Variants in CNRIP1 observed in about 807,000 individuals in gnomAD.
CNRIP1 encodes the protein CB1 cannabinoid receptor-interacting protein 1.
In CNRIP1, 10 loss-of-function variants were observed where a neutral mutation model predicts 15.2. The observed-to-expected ratio is 0.66, with a 90% CI of 0.41 to 1.12. The LOEUF (loss-of-function observed/expected upper bound fraction) is 1.12, where lower values mean the gene tolerates loss of function less well. Ranked by LOEUF, CNRIP1 falls within the 50% of genes most tolerant of loss-of-function variation. CNRIP1 has a pLI of 0.00. For synonymous variants in CNRIP1, 91 were observed against 83.2 expected (o/e 1.09, Z -0.51); for missense variants, 211 against 214.7 (o/e 0.98, Z 0.11).
chr2:68,317,887 T>A (rs1672332282), intron 1 of CNRIP1, among the ~76,000 whole-genome samples: 1 of 152,116 alleles, frequency 6.6e-6, no homozygotes, highest in Non-Finnish European at 1.5e-5. Context: ...TGATATATAC[T>A]CAGGTTTGAG....
At position 68,293,594 on chromosome 2, in the gene CNRIP1, T is replaced by C. The variant is rs1671238577; in HGVS notation, c.*268A>G. 9.0e-7 allele frequency: 1 copy of C among 1,110,934 alleles called. No individual in the cohort carries two copies. The highest frequency in any genetic ancestry group is 1.1e-6 in the Non-Finnish European group (1 of 905,940). The allele number at this position is 1,110,934 out of a possible 1,614,324, so 68.8% of individuals were successfully genotyped here. ...GCCACTGAACTCCAGTCACAAGTGGTCAAAAGTATGACCGAGAACAACTGG... is the reference window on the plus strand; with the variant it reads ...GCCACTGAACTCCAGTCACAAGTGGCCAAAAGTATGACCGAGAACAACTGG... On this transcript the variant is annotated 3_prime_UTR_variant, in exon 3 of 3. Coordinates refer to ENST00000263655, the MANE Select transcript of CNRIP1 (RefSeq NM_015463.3).
chr2:68,311,556 G>A (rs1344311895), intron 2 of CNRIP1, among the ~76,000 whole-genome samples: 1 of 152,022 alleles, frequency 6.6e-6, no homozygotes, highest in African/African-American at 2.4e-5. Context: ...GGCGGATCTT[G>A]TGAGGCCAGG....
intron 2 of CNRIP1, among the ~76,000 whole-genome samples, chr2:68,299,073 C>CA (rs1175141221): frequency 6.6e-6 from 1 of 152,028 alleles, no homozygotes; most frequent in Non-Finnish European, 1.5e-5. Context: ...AGTTTATGGA[C>CA]AAAAAAACTA....
chr2:68,308,740 GCAAAAATTAAAAAAACACAGATTGT>G (rs1671961559), intron 2 of CNRIP1, among the ~76,000 whole-genome samples: 2 of 151,994 alleles, frequency 1.3e-5, no homozygotes, highest in South Asian at 4.2e-4. Context: ...GGTTGCTGGT[GCAAAAATTAAAAAAACACAGATTGT>G]CAATTATCAG....
chr2:68,294,158 G>A lies in CNRIP1; in HGVS notation c.331-132C>T, dbSNP rs115793701. The A allele has an allele frequency of 3.0e-3, 2,686 of 902,560 alleles. 6 individuals are homozygous for A. The highest frequency in any genetic ancestry group is 4.0e-3 in the Non-Finnish European group (2,428 of 611,164). 55.9% of individuals were successfully genotyped at this position (902,560 alleles called of 1,614,324 possible). A position where few individuals can be genotyped will look rare whatever the true frequency, so the allele number is the denominator to read the frequency against. ...CAGATTCTCTTGGTCTGCAAGGCTCGGAAGGCTTTCCTTTAGTGGTCTAGC... is the reference window on the plus strand; with the variant it reads ...CAGATTCTCTTGGTCTGCAAGGCTCAGAAGGCTTTCCTTTAGTGGTCTAGC... On this transcript the variant is annotated intron_variant, in intron 2 of 2. Coordinates refer to ENST00000263655, the MANE Select transcript of CNRIP1 (RefSeq NM_015463.3).
chr2:68,318,569 C>G (rs77793985), intron 1 of CNRIP1, among the ~76,000 whole-genome samples: 3,503 of 152,308 alleles, frequency 0.023, 122 homozygotes, highest in African/African-American at 0.071. Context: ...GGCACCATCA[C>G]CAGCCTGAAC....
At chr2:68,305,018 G>A (rs1573024004) in intron 2 of CNRIP1, among the ~76,000 whole-genome samples, 3 of 152,202 alleles carry the variant, frequency 2.0e-5, no homozygotes, top group African/African-American at 7.2e-5. Context: ...GCCGAGGGGT[G>A]TGGATCACCT....
At chr2:68,305,455 A>G (rs1033503854) in intron 2 of CNRIP1, among the ~76,000 whole-genome samples, 2 of 152,052 alleles carry the variant, frequency 1.3e-5, no homozygotes, top group South Asian at 4.2e-4. Flanking sequence ...GTCAAGGGAA[A>G]TGTCATCAGT....
rs1419525188 is a variant in CNRIP1, at chr2:68,319,419, C to A, written c.-19G>T. 4.6e-6 allele frequency: 7 copies of A among 1,524,274 alleles called. No individual in the cohort carries two copies. Among genetic ancestry groups the A allele is most frequent in the Admixed American group, 1.9e-5 (1 of 51,910 alleles). The allele number at this position is 1,524,274 out of a possible 1,614,324, so 94.4% of individuals were successfully genotyped here. A position where few individuals can be genotyped will look rare whatever the true frequency, so the allele number is the denominator to read the frequency against. Reference sequence around the variant, plus strand: ...CCCCCATGTCTGGGCGAGGGTCTGGCGCGGCGGCTCCGGGGGGCGGAGGAC... The same window carrying A: ...CCCCCATGTCTGGGCGAGGGTCTGGAGCGGCGGCTCCGGGGGGCGGAGGAC... On this transcript the variant is annotated 5_prime_UTR_variant, in exon 1 of 3. Coordinates refer to ENST00000263655, the MANE Select transcript of CNRIP1 (RefSeq NM_015463.3).
chr2:68,301,509 G>C (rs1385072327), intron 2 of CNRIP1, among the ~76,000 whole-genome samples: 1 of 152,150 alleles, frequency 6.6e-6, no homozygotes, highest in African/African-American at 2.4e-5. Flanking sequence ...TGCATTCCAG[G>C]TCTTAGCCAG....
At chr2:68,307,686 A>G (rs1671908031) in intron 2 of CNRIP1, among the ~76,000 whole-genome samples, 1 of 152,108 alleles carries the variant, frequency 6.6e-6, no homozygotes, top group African/African-American at 2.4e-5. Flanking sequence ...TGACAATTAG[A>G]CTACTCCCCA....
At chr2:68,316,708 GATATT>G (rs1672283873) in intron 2 of CNRIP1, 2 of 237,816 alleles carry the variant, frequency 8.4e-6, no homozygotes, top group South Asian at 6.5e-5. Flanking sequence ...TGTATTATAG[GATATT>G]ATATAAGAGG....
intron 2 of CNRIP1, among the ~76,000 whole-genome samples, chr2:68,306,750 C>G (rs911042838): frequency 1.3e-5 from 2 of 148,718 alleles, no homozygotes; most frequent in African/African-American, 5.0e-5. Flanking sequence ...CATTGTACCA[C>G]AGCATGGGTG....
intron 2 of CNRIP1, among the ~76,000 whole-genome samples, chr2:68,300,632 G>T (rs568247038): frequency 8.0e-5 from 12 of 149,802 alleles, no homozygotes; most frequent in African/African-American, 1.2e-4. Flanking sequence ...AATAAAAAAA[G>T]AAAAAAGAAA....
chr2:68,318,418 G>A (rs558526956), intron 1 of CNRIP1, among the ~76,000 whole-genome samples: 189 of 152,264 alleles, frequency 1.2e-3, no homozygotes, highest in African/African-American at 4.4e-3. Context: ...CAGTTCTTCC[G>A]GGTAGGCTAC....
chr2:68,305,254 AAAAAAAT>A (rs770357370), intron 2 of CNRIP1, among the ~76,000 whole-genome samples: 34 of 54,632 alleles, frequency 6.2e-4, no homozygotes, highest in East Asian at 1.9e-3. Context: ...CAAAAAAAAA[AAAAAAAT>A]ATATATATAT....
intron 2 of CNRIP1, among the ~76,000 whole-genome samples, chr2:68,305,207 G>A (rs762678106): frequency 8.4e-5 from 12 of 142,944 alleles, no homozygotes; most frequent in Admixed American, 2.2e-4. Context: ...TTGCGCCATC[G>A]TACTCCAGCC....
At chr2:68,290,024 C>CTTT (rs35429690), downstream of CNRIP1, among the ~76,000 whole-genome samples, 673 of 89,614 alleles carry the variant, frequency 7.5e-3, 3 homozygotes, top group East Asian at 0.012. Context: ...AGAATCTGAA[C>CTTT]TTTTTTTTTT....
chr2:68,304,362 A>T (rs973002147), intron 2 of CNRIP1, among the ~76,000 whole-genome samples: 2 of 151,414 alleles, frequency 1.3e-5, no homozygotes, highest in Non-Finnish European at 2.9e-5. Flanking sequence ...AGATCACGCC[A>T]CTGCACTCTG....
Sources: gnomAD v4.1 joint callset for allele counts (sites outside exome capture counted in the v4.1 genomes callset) on GRCh38, gnomAD v4.1.1 for gene constraint, MANE v1.5 for transcripts, NCBI Gene and HGNC (gene_info 2026-07-23, HGNC 2026-07-21) for gene names.